The following LIN7A variants were observed in gnomAD, a reference collection of about 807,000 sequenced individuals.
LIN7A encodes lin-7 cell polarity scaffold A, also known as protein lin-7 homolog A.
Under a neutral mutation model 29.8 loss-of-function variants are expected in LIN7A, and 25 were observed. The ratio of observed to expected loss-of-function variants is 0.84; its 90% CI spans 0.61 to 1.17. LIN7A has a LOEUF of 1.17. Ranked by LOEUF, LIN7A falls within the 50% of genes most tolerant of loss-of-function variation. The pLI, the probability that LIN7A is intolerant of heterozygous loss-of-function variation, is 0.00. For missense variants in LIN7A, 239 were observed against 287.0 expected (o/e 0.83, Z 1.21); for synonymous variants, 118 against 107.5 (o/e 1.10, Z -0.60).
intron 4 of LIN7A, among the ~76,000 whole-genome samples, chr12:80,829,054 A>T (rs1238453879): frequency 6.6e-6 from 1 of 152,194 alleles, no homozygotes; most frequent in East Asian, 1.9e-4. Context: ...TCCCATAAGG[A>T]TCATGAGAGG....
At chr12:80,862,892 C>T (rs1332208405) in intron 2 of LIN7A, among the ~76,000 whole-genome samples, 1 of 152,176 alleles carries the variant, frequency 6.6e-6, no homozygotes. Context: ...ATTAAAGATT[C>T]CAGATTGGGC....
At chr12:80,912,708 T>C in intron 1 of LIN7A, among the ~76,000 whole-genome samples, 2 of 94,880 alleles carry the variant, frequency 2.1e-5, no homozygotes, top group African/African-American at 8.3e-5. Flanking sequence ...GACTGAGACT[T>C]GTCTCAAAAA....
intron 1 of LIN7A, among the ~76,000 whole-genome samples, chr12:80,899,870 C>A (rs1217400729): frequency 7.0e-6 from 1 of 142,722 alleles, no homozygotes; most frequent in African/African-American, 2.5e-5. Flanking sequence ...CAGGTTCACG[C>A]CATTCTCCTG....
chr12:80,907,316 CT>C (rs1307269952), intron 1 of LIN7A, among the ~76,000 whole-genome samples: 1 of 152,056 alleles, frequency 6.6e-6, no homozygotes, highest in Non-Finnish European at 1.5e-5. Flanking sequence ...TGCTTTATAT[CT>C]TTTTGACAGC....
At chr12:80,837,852 A>G (rs12318213) in intron 4 of LIN7A, among the ~76,000 whole-genome samples, 37,777 of 151,678 alleles carry the variant, frequency 0.25, 5,209 homozygotes, top group Non-Finnish European at 0.33. Flanking sequence ...CATCATCATC[A>G]TCATCATCAT....
In LIN7A at chr12:80,793,351, TATAG is replaced by T. The variant is rs755730954; in HGVS notation, c.*4372_*4375del. On this transcript the variant is annotated 3_prime_UTR_variant, in exon 6 of 6. Coordinates refer to ENST00000552864, the MANE Select transcript of LIN7A (RefSeq NM_004664.4). ...ACCTCACTGGGGTATAACCGTGGTT[TATAG>T]ATAAACTAAGCAGCATTTTTGAGCA... The T allele has an allele frequency of 3.9e-5, 6 of 152,208 alleles. No individual in the cohort carries two copies. In the East Asian group the frequency reaches 9.6e-4, roughly 24 times the overall value. The allele number at this position is 152,208 out of a possible 1,614,324, so 9.4% of individuals were successfully genotyped here.
chr12:80,800,255 C>A lies in LIN7A; in HGVS notation c.*1-2529G>T, dbSNP rs139922994. 3.0e-3 allele frequency among the ~76,000 whole-genome samples: 463 copies of A among 151,956 alleles called. 2 individuals are homozygous for A. The highest frequency in any genetic ancestry group is 0.011 in the African/African-American group (444 of 41,432). ...CTGTAATCCCAGCATTTTGGGAGGC[C>A]GAGGCTGGCGGATCATCTGAGGTCG... On this transcript the variant is annotated intron_variant, in intron 5 of 5. Transcript: ENST00000552864.
intron 4 of LIN7A, among the ~76,000 whole-genome samples, chr12:80,843,137 G>T (rs1872899441): frequency 6.6e-6 from 1 of 152,068 alleles, no homozygotes; most frequent in African/African-American, 2.4e-5. Flanking sequence ...TGTTATAAAT[G>T]GAACTTAATT....
chr12:80,928,186 A>G (rs1033641491), intron 1 of LIN7A, among the ~76,000 whole-genome samples: 8 of 152,190 alleles, frequency 5.3e-5, no homozygotes, highest in African/African-American at 1.4e-4. Flanking sequence ...ATGTGTCTTT[A>G]TAGTAGCATG....
At chr12:80,874,115 T>C (rs906509469) in intron 2 of LIN7A, among the ~76,000 whole-genome samples, 2 of 152,114 alleles carry the variant, frequency 1.3e-5, no homozygotes, top group African/African-American at 2.4e-5. Flanking sequence ...TAGGAGTCAC[T>C]TATTATATGG....
intron 4 of LIN7A, among the ~76,000 whole-genome samples, chr12:80,835,695 C>A (rs1872566213): frequency 6.6e-6 from 1 of 152,072 alleles, no homozygotes; most frequent in Non-Finnish European, 1.5e-5. Context: ...TTGGATTAAA[C>A]CTGTGAGAAA....
intron 1 of LIN7A, among the ~76,000 whole-genome samples, chr12:80,893,372 CTA>C (rs1263957144): frequency 6.6e-6 from 1 of 152,166 alleles, no homozygotes; most frequent in Non-Finnish European, 1.5e-5. Flanking sequence ...GTGGAATCTA[CTA>C]AACAAGTTGT....
chr12:80,880,145 T>G (rs1874951192), intron 2 of LIN7A, among the ~76,000 whole-genome samples: 2 of 152,194 alleles, frequency 1.3e-5, no homozygotes, highest in South Asian at 4.1e-4. Context: ...TTTCAGCACT[T>G]TCATGTCAAT....
intron 4 of LIN7A, among the ~76,000 whole-genome samples, chr12:80,813,177 A>T (rs1200080840): frequency 6.6e-6 from 1 of 151,770 alleles, no homozygotes; most frequent in Non-Finnish European, 1.5e-5. Flanking sequence ...CGCCCAGCTA[A>T]TTTTTTTCTA....
At chr12:80,925,310 G>A (rs916290046) in intron 1 of LIN7A, among the ~76,000 whole-genome samples, 1 of 152,202 alleles carries the variant, frequency 6.6e-6, no homozygotes, top group African/African-American at 2.4e-5. Context: ...CAAATTAGGT[G>A]AGTATACAGG....
At chr12:80,902,347 C>T (rs1295194864) in intron 1 of LIN7A, among the ~76,000 whole-genome samples, 1 of 151,172 alleles carries the variant, frequency 6.6e-6, no homozygotes, top group Admixed American at 6.6e-5. Flanking sequence ...GCTATTTGGG[C>T]TCTTTTTTGG....
intron 2 of LIN7A, among the ~76,000 whole-genome samples, chr12:80,872,114 T>C (rs1026087682): frequency 6.6e-6 from 1 of 152,096 alleles, no homozygotes; most frequent in Non-Finnish European, 1.5e-5. Flanking sequence ...AAAAGCATTA[T>C]AAAGCCATAA....
At chr12:80,894,386 G>A (rs1028422521) in intron 1 of LIN7A, among the ~76,000 whole-genome samples, 5 of 152,114 alleles carry the variant, frequency 3.3e-5, no homozygotes, top group Admixed American at 6.6e-5. Context: ...CACCTCTGAT[G>A]AATACCACTC....
rs1299876924 is a variant in LIN7A at position 80,794,189 on chromosome 12, G to C, written c.*3538C>G. On this transcript the variant is annotated 3_prime_UTR_variant, in exon 6 of 6. Coordinates refer to ENST00000552864, the MANE Select transcript of LIN7A (RefSeq NM_004664.4). ...AATCCATGTTTTTTGTCTATTCACT[G>C]ATTCAGCCACTTATTCATCCAACAA... 2.0e-5 allele frequency: 3 copies of C among 152,112 alleles called. No homozygotes were observed. Among genetic ancestry groups the C allele is most frequent in the Non-Finnish European group, 4.4e-5 (3 of 68,006 alleles). The allele number at this position is 152,112 out of a possible 1,614,324, so 9.4% of individuals were successfully genotyped here.
Sources: gnomAD v4.1 joint callset for allele counts (sites outside exome capture counted in the v4.1 genomes callset) on GRCh38, gnomAD v4.1.1 for gene constraint, MANE v1.5 for transcripts, NCBI Gene and HGNC (gene_info 2026-07-23, HGNC 2026-07-21) for gene names.